The following SAMD12 variants were observed in gnomAD, a reference collection of about 807,000 sequenced individuals.
SAMD12 encodes the protein sterile alpha motif domain containing 12, also known as sterile alpha motif domain-containing protein 12.
SAMD12 carries 9 observed loss-of-function variants against 15.0 expected under a neutral mutation model. The observed-to-expected ratio is 0.60, with a 90% CI of 0.36 to 1.05. The LOEUF is 1.05. Ranked by LOEUF, SAMD12 falls within the 50% of genes least tolerant of loss-of-function variation. The probability of loss-of-function intolerance (pLI) is 0.01; values close to 1 mark genes in which losing one functional copy is unlikely to be tolerated. For synonymous variants in SAMD12, 86 were observed against 90.1 expected (o/e 0.96, Z 0.25); for missense variants, 230 against 234.2 (o/e 0.98, Z 0.12).
chr8:118,201,340 C>G (rs1441312546), intron 4 of SAMD12, among the ~76,000 whole-genome samples: 1 of 152,088 alleles, frequency 6.6e-6, no homozygotes, highest in Non-Finnish European at 1.5e-5. Context: ...TAGTGAACAC[C>G]AACCCCGCCC....
intron 4 of SAMD12, among the ~76,000 whole-genome samples, chr8:118,294,874 A>C (rs920469055): frequency 1.3e-5 from 2 of 152,168 alleles, no homozygotes; most frequent in African/African-American, 4.8e-5. Context: ...GATTAGGCTC[A>C]TCTAGTTAAG....
the SAMD12 span, among the ~76,000 whole-genome samples, chr8:118,183,538 C>T: frequency 0.01 from 1,524 of 152,194 alleles, 25 homozygotes; most frequent in African/African-American, 0.035. Flanking sequence ...CATGGATATA[C>T]AGTTTAATGG....
intron 4 of SAMD12, among the ~76,000 whole-genome samples, chr8:118,331,741 CAT>C (rs1586543610): frequency 1.3e-5 from 2 of 152,194 alleles, no homozygotes; most frequent in African/African-American, 4.8e-5. Context: ...GAGGTCCACA[CAT>C]GTGAGAATCA....
At chr8:118,598,818 T>G (rs1827786755) in intron 1 of SAMD12, among the ~76,000 whole-genome samples, 1 of 152,144 alleles carries the variant, frequency 6.6e-6, no homozygotes, top group African/African-American at 2.4e-5. Context: ...ACTAGAATCA[T>G]CTGAAGAACG....
At chr8:118,281,482 T>C (rs1047562799) in intron 4 of SAMD12, among the ~76,000 whole-genome samples, 1 of 152,242 alleles carries the variant, frequency 6.6e-6, no homozygotes, top group Non-Finnish European at 1.5e-5. Flanking sequence ...ATACAATCAA[T>C]ATTTGCTGAA....
chr8:118,394,288 C>T (rs1030251056), intron 3 of SAMD12, among the ~76,000 whole-genome samples: 21 of 152,274 alleles, frequency 1.4e-4, no homozygotes, highest in Admixed American at 8.5e-4. Flanking sequence ...AATATCTTTC[C>T]TCCCTTCTTG....
chr8:118,329,874 T>C (rs1816735510), intron 4 of SAMD12, among the ~76,000 whole-genome samples: 1 of 152,144 alleles, frequency 6.6e-6, no homozygotes, highest in Non-Finnish European at 1.5e-5. Context: ...ATTACTTGAC[T>C]TTTTTTGTGA....
chr8:118,477,255 AG>A (rs1368092519), intron 2 of SAMD12, among the ~76,000 whole-genome samples: 1 of 151,918 alleles, frequency 6.6e-6, no homozygotes, highest in African/African-American at 2.4e-5. Context: ...TAGTAGAGAC[AG>A]GGTTTTGCCA....
intron 1 of SAMD12, among the ~76,000 whole-genome samples, chr8:118,614,928 T>G (rs570675530): frequency 6.6e-6 from 1 of 152,172 alleles, no homozygotes; most frequent in Non-Finnish European, 1.5e-5. Flanking sequence ...TGGGGAGGAA[T>G]CAACTTGATT....
chr8:118,406,998 C>T (rs768112916), intron 3 of SAMD12, among the ~76,000 whole-genome samples: 1 of 150,954 alleles, frequency 6.6e-6, no homozygotes, highest in Non-Finnish European at 1.5e-5. Context: ...GTGAATATTG[C>T]TGCAATAAAC....
the SAMD12 span, among the ~76,000 whole-genome samples, chr8:118,132,989 TATATA>T: frequency 1.4e-5 from 1 of 70,436 alleles, no homozygotes; most frequent in Admixed American, 1.6e-4. Flanking sequence ...TATATATATA[TATATA>T]TATATATATA....
intron 2 of SAMD12, among the ~76,000 whole-genome samples, chr8:118,475,374 C>G (rs1823927685): frequency 6.6e-6 from 1 of 152,208 alleles, no homozygotes; most frequent in Admixed American, 6.5e-5. Context: ...TGTGGCCCCT[C>G]ACTAGATGCA....
chr8:118,423,697 G>C (rs1822119591), intron 3 of SAMD12, among the ~76,000 whole-genome samples: 1 of 152,042 alleles, frequency 6.6e-6, no homozygotes, highest in Non-Finnish European at 1.5e-5. Context: ...GACAGCCCTG[G>C]GTTAAAATAC....
intron 2 of SAMD12, among the ~76,000 whole-genome samples, chr8:118,447,711 T>TTTA (rs1200637089): frequency 7.2e-6 from 1 of 138,276 alleles, no homozygotes; most frequent in Non-Finnish European, 1.5e-5. Flanking sequence ...TTAATATTTA[T>TTTA]TTATTTATTT....
chr8:118,443,350 G>A (rs777130352), intron 2 of SAMD12, among the ~76,000 whole-genome samples: 3 of 152,126 alleles, frequency 2.0e-5, no homozygotes, highest in Non-Finnish European at 4.4e-5. Flanking sequence ...TGTAATCCCA[G>A]CTACGCGGGA....
chr8:118,588,692 C>T (rs1827508683), intron 1 of SAMD12, among the ~76,000 whole-genome samples: 1 of 152,142 alleles, frequency 6.6e-6, no homozygotes, highest in Admixed American at 6.6e-5. Context: ...GGCCCTTGCT[C>T]TAGGGTAGAG....
At chr8:118,572,792 G>C (rs1161292259) in intron 2 of SAMD12, among the ~76,000 whole-genome samples, 1 of 152,044 alleles carries the variant, frequency 6.6e-6, no homozygotes, top group East Asian at 1.9e-4. Context: ...CATGAAAAGG[G>C]ACTAATACAC....
intron 3 of SAMD12, among the ~76,000 whole-genome samples, chr8:118,399,806 C>T (rs762563677): frequency 1.3e-5 from 2 of 152,140 alleles, no homozygotes; most frequent in East Asian, 1.9e-4. Flanking sequence ...GGTACCCAAT[C>T]GATTGTCAGA....
intron 2 of SAMD12, among the ~76,000 whole-genome samples, chr8:118,477,148 T>C (rs1387924479): frequency 6.6e-6 from 1 of 151,830 alleles, no homozygotes; most frequent in Non-Finnish European, 1.5e-5. Flanking sequence ...TCACTGCAAC[T>C]TCCACCTCCC....
Sources: allele counts gnomAD v4.1 joint callset (sites outside exome capture counted in the v4.1 genomes callset), GRCh38; gene constraint gnomAD v4.1.1; transcripts MANE v1.5; gene names NCBI Gene and HGNC (gene_info 2026-07-23, HGNC 2026-07-21).